The following NOP58 variants were observed in gnomAD, a reference collection of about 807,000 sequenced individuals.
The protein encoded by NOP58 is nucleolar protein 58.
NOP58 carries 44 observed loss-of-function variants against 71.2 expected under a neutral mutation model. That is an observed-to-expected ratio of 0.62 (90% confidence interval 0.49 to 0.79). NOP58 has a LOEUF of 0.79. Among genes scored for constraint, NOP58 ranks in the 30% least tolerant of loss-of-function variants. The pLI is 0.00. For missense variants in NOP58, 538 were observed against 620.2 expected, an observed-to-expected ratio of 0.87 and a Z score of 1.41; for synonymous variants, 228 against 200.3, an observed-to-expected ratio of 1.14 and a Z score of -1.17.
chr2:202,280,634 CATT>C (rs946103064), intron 3 of NOP58, among the ~76,000 whole-genome samples: 1 of 138,130 alleles, frequency 7.2e-6, no homozygotes, highest in Non-Finnish European at 1.5e-5. Flanking sequence ...GCCTGGCCAT[CATT>C]TTTTTTTTTT....
At position 202,299,161 on chromosome 2, in the gene NOP58, T is replaced by C. The variant is rs185447291; in HGVS notation, c.1269-1073T>C. Among the ~76,000 whole-genome samples, 247 of 152,140 alleles carry C rather than the reference T, an allele frequency of 1.6e-3. 2 individuals are homozygous for C. Among genetic ancestry groups the C allele is most frequent in the African/African-American group, 5.7e-3 (236 of 41,528 alleles). On this transcript the variant is annotated intron_variant, in intron 12 of 14. Coordinates refer to ENST00000264279, the MANE Select transcript of NOP58 (RefSeq NM_015934.5). ...TTTTAGTAGAGTCGGGGTTTCATCA[T>C]GTTGGCCAGGATGGTCTTGATCTCC... is the stretch of plus-strand genomic sequence containing the variant.
At chr2:202,278,075 G>T in intron 3 of NOP58, 73 bp downstream of exon 3, 1 of 939,628 alleles carries the variant, frequency 1.1e-6, no homozygotes, top group Non-Finnish European at 1.8e-6. Context: ...TTGTTTAAAA[G>T]GTTGTTTGCT....
intron 13 of NOP58, 53 bp downstream of exon 13, chr2:202,300,420 T>A: frequency 6.9e-7 from 1 of 1,448,946 alleles, no homozygotes; most frequent in Non-Finnish European, 9.3e-7. Context: ...TTTAGAACTG[T>A]GGATTTTGTG....
At chr2:202,272,190 C>CGCCCAGGCTGGA in intron 1 of NOP58, among the ~76,000 whole-genome samples, 1 of 122,536 alleles carries the variant, frequency 8.2e-6, no homozygotes, top group East Asian at 2.5e-4. Context: ...GTCTTGCTGT[C>CGCCCAGGCTGGA]GCCCAGGCTG....
chr2:202,292,976 T>C (rs2105852318), intron 9 of NOP58, 73 bp downstream of exon 9: 1 of 1,535,854 alleles, frequency 6.5e-7, no homozygotes, highest in East Asian at 2.2e-5. Flanking sequence ...TTTACATCTT[T>C]AAACTACAGC....
chr2:202,289,929 A>G (rs1688857510), intron 6 of NOP58, among the ~76,000 whole-genome samples: 1 of 152,056 alleles, frequency 6.6e-6, no homozygotes, highest in Non-Finnish European at 1.5e-5. Flanking sequence ...ACACTTGAAA[A>G]TGGTTGAAGT....
At chr2:202,277,015 C>T (rs546288518) in intron 2 of NOP58, among the ~76,000 whole-genome samples, 4 of 150,620 alleles carry the variant, frequency 2.7e-5, no homozygotes, top group East Asian at 4.0e-4. Flanking sequence ...GGGCTGGGCA[C>T]GGTGGCTCAC....
intron 7 of NOP58, 152 bp downstream of exon 7, chr2:202,290,609 TA>T (rs1297226791): frequency 1.5e-6 from 1 of 671,012 alleles, no homozygotes; most frequent in East Asian, 2.7e-5. Flanking sequence ...GTCTTAAATT[TA>T]AGAAACAAAA....
At chr2:202,292,741 A>C (rs773477416) in intron 8 of NOP58, 36 bp from the exon 9 acceptor site, 1 of 1,561,930 alleles carries the variant, frequency 6.4e-7, no homozygotes, top group South Asian at 1.1e-5. Context: ...TTTTACTCAT[A>C]TGATATTTGT....
At chr2:202,276,860 C>G (rs573874879) in intron 2 of NOP58, among the ~76,000 whole-genome samples, 1 of 151,154 alleles carries the variant, frequency 6.6e-6, no homozygotes, top group Admixed American at 6.6e-5. Flanking sequence ...TAAAGGGGGC[C>G]GGGCACGGTG....
chr2:202,301,048 C>CT (rs1357642812), intron 13 of NOP58, among the ~76,000 whole-genome samples: 2 of 152,176 alleles, frequency 1.3e-5, no homozygotes, highest in Non-Finnish European at 2.9e-5. Flanking sequence ...TTTTATGCTT[C>CT]TTTTTATTGA....
At chr2:202,286,242 T>C (rs1688784096) in intron 5 of NOP58, among the ~76,000 whole-genome samples, 1 of 149,004 alleles carries the variant, frequency 6.7e-6, no homozygotes, top group Non-Finnish European at 1.5e-5. Flanking sequence ...GGCTCACGCC[T>C]GTAATACATC....
chr2:202,281,829 T>C (rs1688711033), intron 3 of NOP58, among the ~76,000 whole-genome samples: 1 of 152,192 alleles, frequency 6.6e-6, no homozygotes, highest in Non-Finnish European at 1.5e-5. Context: ...ATACCAGCGG[T>C]CTCAAAATAG....
chr2:202,278,419 A>C, intron 3 of NOP58: 1 of 360,878 alleles, frequency 2.8e-6, no homozygotes, highest in South Asian at 2.2e-5. Context: ...CAGTTGAAAA[A>C]TAATTTAAAA....
chr2:202,291,480 G>A (rs144842638), intron 8 of NOP58: 17 of 377,366 alleles, frequency 4.5e-5, no homozygotes, highest in East Asian at 3.8e-4. Flanking sequence ...TACAATCATC[G>A]TCTGAATAAT....
intron 9 of NOP58, among the ~76,000 whole-genome samples, chr2:202,294,543 G>C (rs977550477): frequency 6.6e-6 from 1 of 152,128 alleles, no homozygotes; most frequent in East Asian, 1.9e-4. Context: ...GTTTGAAACA[G>C]AGGATAGTAC....
At chr2:202,288,558 C>T (rs921044499) in intron 6 of NOP58, among the ~76,000 whole-genome samples, 2 of 152,010 alleles carry the variant, frequency 1.3e-5, no homozygotes, top group African/African-American at 4.8e-5. Context: ...TGGCTCACGC[C>T]TGTAATCCCA....
chr2:202,294,005 C>T (rs1482453297), intron 9 of NOP58, among the ~76,000 whole-genome samples: 6 of 151,988 alleles, frequency 3.9e-5, no homozygotes, highest in Admixed American at 1.3e-4. Flanking sequence ...TAAGCAATGG[C>T]AGGGGTTAAT....
chr2:202,277,475 C>CA (rs112045313), intron 2 of NOP58, among the ~76,000 whole-genome samples: 5,264 of 125,564 alleles, frequency 0.042, 121 homozygotes, highest in Middle Eastern at 0.096. Flanking sequence ...GATTCTGTCT[C>CA]AAAAAAAAAA....
Sources: allele counts gnomAD v4.1 joint callset (sites outside exome capture counted in the v4.1 genomes callset), GRCh38; gene constraint gnomAD v4.1.1; transcripts MANE v1.5; gene names NCBI Gene and HGNC (gene_info 2026-07-23, HGNC 2026-07-21).